The following GRXCR1 variants were observed in gnomAD, a reference collection of about 807,000 sequenced individuals.
GRXCR1 encodes the protein glutaredoxin domain-containing cysteine-rich protein 1.
GRXCR1 carries 27 observed loss-of-function variants against 27.3 expected under a neutral mutation model. The observed-to-expected ratio is 0.99, with a 90% CI of 0.73 to 1.37. The LOEUF (loss-of-function observed/expected upper bound fraction) is 1.37, where lower values mean the gene tolerates loss of function less well. Ranked by LOEUF, GRXCR1 falls within the 40% of genes most tolerant of loss-of-function variation. The pLI, the probability that GRXCR1 is intolerant of heterozygous loss-of-function variation, is 0.00. For missense variants in GRXCR1, 379 were observed against 354.4 expected (o/e 1.07, Z -0.56); for synonymous variants, 122 against 131.1 (o/e 0.93, Z 0.47).
chr4:42,972,574 A>G (rs541133489), intron 2 of GRXCR1, among the ~76,000 whole-genome samples: 73 of 152,318 alleles, frequency 4.8e-4, no homozygotes, highest in Non-Finnish European at 9.1e-4. Flanking sequence ...AATGACAATG[A>G]TAGTAAAAGC....
rs116389478 is a variant in GRXCR1, at chr4:43,021,727, G to A, written c.693+1308G>A. ...ATGGGCAGAAATATAGTGCTTATAC[G>A]GGAGGAGAATGCTTGGGCTTTAGCA... On this transcript the variant is annotated intron_variant, in intron 3 of 3. Coordinates refer to ENST00000399770, the MANE Select transcript of GRXCR1 (RefSeq NM_001080476.3). Among the ~76,000 whole-genome samples the A allele has an allele frequency of 4.9e-3, 748 of 152,252 alleles. 10 individuals carry two copies. The highest frequency in any genetic ancestry group is 0.015 in the African/African-American group (637 of 41,554).
In GRXCR1 at chr4:42,963,129, C is replaced by G; in HGVS notation, c.622C>G (p.Leu208Val). The G allele has an allele frequency of 1.2e-6, 2 of 1,612,560 alleles. No homozygotes were observed. Among genetic ancestry groups the G allele is most frequent in the Non-Finnish European group, 1.7e-6 (2 of 1,178,920 alleles). The part of the protein sequence containing the change: ...LPVVFIDGHY[L>V]GGAEKILSMN... ...TGTTGTGTTCATTGATGGCCATTACCTTGGGGTAAGTAAGCTGCCCAGGAA... is the reference window on the plus strand; with the variant it reads ...TGTTGTGTTCATTGATGGCCATTACGTTGGGGTAAGTAAGCTGCCCAGGAA... Residue 208 changes from leucine to valine, a missense_variant, in exon 2 of 4, where the codon CTT becomes GTT. Transcript: ENST00000399770.
Position 43,003,926 on chromosome 4 carries a change from A to G in GRXCR1, c.628-16428A>G, listed in dbSNP as rs180827614. Among the ~76,000 whole-genome samples the G allele has an allele frequency of 2.9e-3, 437 of 152,368 alleles. 4 individuals carry two copies. The highest frequency in any genetic ancestry group is 9.9e-3 in the African/African-American group (412 of 41,590). ...AAAAGCTGGCTGCAGAAATTTACGT[A>G]AGTAAAGAGGAGCTGAATATTAATA... On this transcript the variant is annotated intron_variant, in intron 2 of 3. Coordinates refer to ENST00000399770, the MANE Select transcript of GRXCR1 (RefSeq NM_001080476.3).
chr4:42,956,643 C>T (rs1049376432), intron 1 of GRXCR1, among the ~76,000 whole-genome samples: 57 of 152,044 alleles, frequency 3.7e-4, no homozygotes, highest in African/African-American at 1.3e-3. Context: ...ACTATACTTT[C>T]TACCCTGAAT....
intron 1 of GRXCR1, among the ~76,000 whole-genome samples, chr4:42,925,938 A>G (rs777324551): frequency 1.3e-5 from 2 of 152,018 alleles, no homozygotes; most frequent in Admixed American, 6.6e-5. Context: ...GGAAGTTCAG[A>G]TAACTCTGGG....
At chr4:42,990,945 A>G (rs1225105755) in intron 2 of GRXCR1, among the ~76,000 whole-genome samples, 2 of 152,126 alleles carry the variant, frequency 1.3e-5, no homozygotes, top group African/African-American at 4.8e-5. Context: ...TACATATGGT[A>G]AGCTCTTAGT....
At chr4:42,968,776 T>G (rs1474503050) in intron 2 of GRXCR1, among the ~76,000 whole-genome samples, 1 of 152,138 alleles carries the variant, frequency 6.6e-6, no homozygotes, top group Non-Finnish European at 1.5e-5. Flanking sequence ...TCAAAGAGTT[T>G]TTTTTTATTT....
At chr4:42,979,883 C>A (rs1748608986) in intron 2 of GRXCR1, among the ~76,000 whole-genome samples, 1 of 151,758 alleles carries the variant, frequency 6.6e-6, no homozygotes, top group African/African-American at 2.4e-5. Flanking sequence ...TTTCATAATT[C>A]AATCTTTGCA....
intron 1 of GRXCR1, among the ~76,000 whole-genome samples, chr4:42,912,253 T>C (rs1169763236): frequency 6.6e-6 from 1 of 152,164 alleles, no homozygotes; most frequent in East Asian, 1.9e-4. Context: ...GAGCAGTTTG[T>C]AGGTTAGGAA....
intron 2 of GRXCR1, among the ~76,000 whole-genome samples, chr4:43,017,940 T>G (rs1712977537): frequency 6.6e-6 from 1 of 152,166 alleles, no homozygotes; most frequent in Non-Finnish European, 1.5e-5. Context: ...CAGGGCAGAT[T>G]GAGATTTACC....
At chr4:42,962,702 ATATAT>A (rs1227711015) in intron 1 of GRXCR1, among the ~76,000 whole-genome samples, 185 bp from the exon 2 acceptor site, 1 of 152,016 alleles carries the variant, frequency 6.6e-6, no homozygotes, top group Non-Finnish European at 1.5e-5. Flanking sequence ...AAATTATGTA[ATATAT>A]TATATTGATT....
chr4:42,984,257 T>C (rs184544901), intron 2 of GRXCR1, among the ~76,000 whole-genome samples: 1 of 152,360 alleles, frequency 6.6e-6, no homozygotes, highest in Non-Finnish European at 1.5e-5. Flanking sequence ...TTAATCTCTT[T>C]TTTAAATTTC....
rs561729785 is a variant in GRXCR1 at position 43,003,526 on chromosome 4, G to GATAGTGAT, written c.628-16825_628-16818dup. ...GTTGAATGGTTGTGATCAAAATGCT[G>GATAGTGAT]ATAGTGATATGGACAATGAATTTCA... is the stretch of plus-strand genomic sequence containing the variant. On this transcript the variant is annotated intron_variant, in intron 2 of 3. Coordinates refer to ENST00000399770, the MANE Select transcript of GRXCR1 (RefSeq NM_001080476.3). Among the ~76,000 whole-genome samples the GATAGTGAT allele has an allele frequency of 5.1e-3, 779 of 152,266 alleles. 10 individuals carry two copies. The highest frequency in any genetic ancestry group is 0.018 in the African/African-American group (738 of 41,548).
At chr4:43,018,973 A>G (rs778905889) in intron 2 of GRXCR1, among the ~76,000 whole-genome samples, 1 of 152,122 alleles carries the variant, frequency 6.6e-6, no homozygotes, top group Non-Finnish European at 1.5e-5. Context: ...GTTCGTTCAT[A>G]TTGCTTTTGA....
At chr4:42,954,734 G>T (rs527645678) in intron 1 of GRXCR1, among the ~76,000 whole-genome samples, 121 of 152,104 alleles carry the variant, frequency 8.0e-4, no homozygotes, top group Non-Finnish European at 1.6e-3. Context: ...ATGTGAGGAG[G>T]GGAATTTGAT....
intron 1 of GRXCR1, among the ~76,000 whole-genome samples, chr4:42,946,977 G>C (rs897261215): frequency 2.0e-5 from 3 of 152,086 alleles, no homozygotes; most frequent in African/African-American, 7.2e-5. Context: ...GATGGGCAGC[G>C]CACAACCCAC....
At chr4:42,938,522 T>G (rs1362923904) in intron 1 of GRXCR1, among the ~76,000 whole-genome samples, 1 of 152,008 alleles carries the variant, frequency 6.6e-6, no homozygotes, top group Admixed American at 6.6e-5. Context: ...CACTGTTCTC[T>G]ATAGTGGTTG....
At chr4:42,944,463 G>A (rs999972874) in intron 1 of GRXCR1, among the ~76,000 whole-genome samples, 2 of 152,118 alleles carry the variant, frequency 1.3e-5, no homozygotes, top group Non-Finnish European at 2.9e-5. Context: ...GTGCCTTGGG[G>A]AATGCCAGTA....
At chr4:43,014,813 A>G (rs181837556) in intron 2 of GRXCR1, among the ~76,000 whole-genome samples, 46 of 152,312 alleles carry the variant, frequency 3.0e-4, no homozygotes, top group Non-Finnish European at 5.3e-4. Context: ...CAAAAACTGA[A>G]TAAGTTAATA....
Sources: allele counts gnomAD v4.1 joint callset (sites outside exome capture counted in the v4.1 genomes callset), GRCh38; gene constraint gnomAD v4.1.1; transcripts MANE v1.5; gene names NCBI Gene and HGNC (gene_info 2026-07-23, HGNC 2026-07-21).